The following F2RL1 variants were observed in gnomAD, a reference collection of about 807,000 sequenced individuals.
The protein encoded by F2RL1 is F2R like trypsin receptor 1.
A neutral mutation model predicts 21.7 loss-of-function variants in F2RL1; 16 were observed. That is an observed-to-expected ratio of 0.74 (90% CI 0.50 to 1.12). The LOEUF (loss-of-function observed/expected upper bound fraction) is 1.12. Among genes scored for constraint, F2RL1 ranks in the 50% most tolerant of loss-of-function variants. F2RL1 has a pLI of 0.00. For synonymous variants in F2RL1, 181 were observed against 186.7 expected (o/e 0.97, Z 0.25); for missense variants, 432 against 477.8 (o/e 0.90, Z 0.89).
chr5:76,823,102 C>T (rs561219049), intron 1 of F2RL1, among the ~76,000 whole-genome samples: 82 of 151,898 alleles, frequency 5.4e-4, no homozygotes, highest in African/African-American at 1.3e-3. Flanking sequence ...TGGTGGCGGG[C>T]GCCTGTAGTC....
intron 1 of F2RL1, 97 bp downstream of exon 1, chr5:76,819,361 G>A: frequency 1.9e-6 from 2 of 1,031,050 alleles, no homozygotes; most frequent in Non-Finnish European, 1.4e-6. Flanking sequence ...TGCGAAGGCT[G>A]TTCTGCTGCC....
chr5:76,832,941 A>C lies in F2RL1; in HGVS notation c.334A>C (p.Ile112Leu). The change falls in exon 2 of 2, where the codon ATT (isoleucine) becomes CTT (leucine). Residue 112 changes from isoleucine to leucine, a missense_variant. Transcript: ENST00000296677. ...AACTAAGAAGAAGCACCCTGCTGTG[A>C]TTTACATGGCCAATCTGGCCTTGGC... ...FRTKKKHPAV[I>L]YMANLALADL... 4 of 1,614,150 alleles carry C rather than the reference A, an allele frequency of 2.5e-6. No individual in the cohort carries two copies. The highest frequency in any genetic ancestry group is 2.5e-6 in the Non-Finnish European group (3 of 1,180,042).
Position 76,832,773 on chromosome 5 carries a change from G to A in F2RL1, c.166G>A (p.Glu56Lys). The A allele has an allele frequency of 6.2e-7, 1 of 1,614,230 alleles. No individual in the cohort carries two copies. Among genetic ancestry groups the A allele is most frequent in the South Asian group, 1.1e-5 (1 of 91,084 alleles). The part of the protein sequence containing the change: ...SHVTGKGVTV[E>K]TVFSVDEFSA... ...CGTCACTGGAAAAGGAGTTACAGTT[G>A]AAACAGTCTTTTCTGTGGATGAGTT... is the stretch of plus-strand genomic sequence containing the variant. The change falls in exon 2 of 2, where the codon GAA (glutamate) becomes AAA (lysine). Residue 56 changes from glutamate (E) to lysine (K), a missense_variant. Physicochemically the swap from Glu to Lys is moderately conservative, Grantham distance 56. Transcript: ENST00000296677.
intron 1 of F2RL1, among the ~76,000 whole-genome samples, chr5:76,828,653 T>TG (rs1750290342): frequency 5.9e-5 from 2 of 34,130 alleles, no homozygotes; most frequent in African/African-American, 1.9e-4. Flanking sequence ...GCCTGGCTAA[T>TG]TTTTTTTTTT....
At position 76,834,974 on chromosome 5, in the gene F2RL1, A is replaced by C. The variant is rs1056079982; in HGVS notation, c.*1173A>C. 1 of 152,378 alleles carries C rather than the reference A, an allele frequency of 6.6e-6. No homozygotes were observed. Among genetic ancestry groups the C allele is most frequent in the Non-Finnish European group, 1.5e-5 (1 of 68,042 alleles). 9.4% of individuals were successfully genotyped at this position (152,378 alleles called of 1,614,324 possible). A position where few individuals can be genotyped will look rare whatever the true frequency, so the allele number is the denominator to read the frequency against. ...GAAAAATGCAATCAGGATTTTAAAC[A>C]TGTAAATACAAATTTTGTATAACTT... On this transcript the variant is annotated 3_prime_UTR_variant, in exon 2 of 2. Transcript: ENST00000296677.
At chr5:76,828,669 T>C (rs1750290824) in intron 1 of F2RL1, among the ~76,000 whole-genome samples, 1 of 151,638 alleles carries the variant, frequency 6.6e-6, no homozygotes, top group African/African-American at 2.4e-5. Context: ...TTTTTTTTAA[T>C]TTTTTGTAGA....
intron 1 of F2RL1, among the ~76,000 whole-genome samples, chr5:76,829,126 A>C (rs73130951): frequency 6.6e-6 from 1 of 152,032 alleles, no homozygotes; most frequent in African/African-American, 2.4e-5. Flanking sequence ...AAAAAAAAAA[A>C]CAAGTTATTT....
At position 76,833,606 on chromosome 5, in the gene F2RL1, T is replaced by A. The variant is rs1248424315; in HGVS notation, c.999T>A (p.Ser333=). 6.2e-7 allele frequency: 1 copy of A among 1,613,958 alleles called. No homozygotes were observed. Among genetic ancestry groups the A allele is most frequent in the East Asian group, 2.2e-5 (1 of 44,834 alleles). ...TGTACATTGTAGCCCTCTGCCTCTCTACCCTTAACAGCTGCATCGACCCCT... is the reference window on the plus strand; with the variant it reads ...TGTACATTGTAGCCCTCTGCCTCTCAACCCTTAACAGCTGCATCGACCCCT... The part of the protein sequence containing the change: ...YALYIVALCL[S]TLNSCIDPFV... Residue 333 remains serine, a synonymous_variant, in exon 2 of 2, where the codon TCT becomes TCA. Coordinates refer to ENST00000296677, the MANE Select transcript of F2RL1 (RefSeq NM_005242.6).
chr5:76,827,546 T>C (rs1396709029), intron 1 of F2RL1, among the ~76,000 whole-genome samples: 1 of 151,050 alleles, frequency 6.6e-6, no homozygotes, highest in Non-Finnish European at 1.5e-5. Flanking sequence ...TGTGTACAGG[T>C]TTTTGTGTGG....
chr5:76,828,135 A>AT, intron 1 of F2RL1, among the ~76,000 whole-genome samples: 1 of 151,762 alleles, frequency 6.6e-6, no homozygotes, highest in East Asian at 1.9e-4. Flanking sequence ...CACCTGACTA[A>AT]TTTTTGTATT....
chr5:76,824,496 T>G (rs1750204187), intron 1 of F2RL1, among the ~76,000 whole-genome samples: 1 of 152,048 alleles, frequency 6.6e-6, no homozygotes. Context: ...ACCCAGCTAA[T>G]TTTTGTATTT....
chr5:76,832,178 CTG>C (rs3135470), intron 1 of F2RL1, among the ~76,000 whole-genome samples: 22,301 of 152,044 alleles, frequency 0.15, 2,065 homozygotes, highest in African/African-American at 0.27. Flanking sequence ...AAAATACTCA[CTG>C]TAAGAAAAAA....
chr5:76,822,343 G>A (rs748312258), intron 1 of F2RL1, among the ~76,000 whole-genome samples: 2 of 151,946 alleles, frequency 1.3e-5, no homozygotes, highest in Non-Finnish European at 1.5e-5. Context: ...TCAGCCTCTG[G>A]AGTAGCTGGG....
intron 1 of F2RL1, among the ~76,000 whole-genome samples, chr5:76,829,556 C>T (rs781071924): frequency 2.0e-5 from 3 of 152,144 alleles, no homozygotes; most frequent in Non-Finnish European, 4.4e-5. Context: ...ATAATTTCCA[C>T]AATAACTGCA....
chr5:76,827,644 G>T lies in F2RL1; in HGVS notation c.83-5046G>T, dbSNP rs1242612796. Among the ~76,000 whole-genome samples, 26 of 101,804 alleles carry T rather than the reference G, an allele frequency of 2.6e-4. No individual in the cohort carries two copies. The East Asian group carries it at 6.5e-3, about 25-fold the overall frequency. 66.8% of individuals were successfully genotyped at this position (101,804 alleles called of 152,430 possible). A position where few individuals can be genotyped will look rare whatever the true frequency, so the allele number is the denominator to read the frequency against. On this transcript the variant is annotated intron_variant, in intron 1 of 1. Coordinates refer to ENST00000296677, the MANE Select transcript of F2RL1 (RefSeq NM_005242.6). ...TTTTGAGACGGAGTCATGCTCTGTTGCCCAGAGTGCAATGGCACAGTCTAG... is the reference window on the plus strand; with the variant it reads ...TTTTGAGACGGAGTCATGCTCTGTTTCCCAGAGTGCAATGGCACAGTCTAG...
rs1750073655 is a variant in F2RL1 at position 76,819,047 on chromosome 5, G to C, written c.-136G>C. Reference sequence around the variant, plus strand: ...GTTTCCCTGAAACCTAACCCGCCCTGGGGAGGCGCGCAGCAGAGGCTCCGA... The same window carrying C: ...GTTTCCCTGAAACCTAACCCGCCCTCGGGAGGCGCGCAGCAGAGGCTCCGA... On this transcript the variant is annotated 5_prime_UTR_variant, in exon 1 of 2. Coordinates refer to ENST00000296677, the MANE Select transcript of F2RL1 (RefSeq NM_005242.6). 3 of 707,668 alleles carry C rather than the reference G, an allele frequency of 4.2e-6. No individual in the cohort carries two copies. In the Admixed American group the frequency reaches 8.5e-5, roughly 20 times the overall value. The allele number at this position is 707,668 out of a possible 1,614,324, so 43.8% of individuals were successfully genotyped here.
At chr5:76,823,559 A>G (rs916527787) in intron 1 of F2RL1, among the ~76,000 whole-genome samples, 1 of 151,700 alleles carries the variant, frequency 6.6e-6, no homozygotes, top group Non-Finnish European at 1.5e-5. Context: ...TTGCATTTTT[A>G]GTAAAGCCAG....
chr5:76,827,146 C>T (rs1750253851), intron 1 of F2RL1, among the ~76,000 whole-genome samples: 1 of 151,386 alleles, frequency 6.6e-6, no homozygotes, highest in Non-Finnish European at 1.5e-5. Flanking sequence ...CCACTGTGCC[C>T]AGCCCACTTG....
intron 1 of F2RL1, among the ~76,000 whole-genome samples, chr5:76,827,168 C>A (rs1310669017): frequency 6.6e-6 from 1 of 151,260 alleles, no homozygotes; most frequent in Non-Finnish European, 1.5e-5. Flanking sequence ...TGACTGTGGG[C>A]TGGGCACAGT....
Sources: allele counts gnomAD v4.1 joint callset (sites outside exome capture counted in the v4.1 genomes callset), GRCh38; gene constraint gnomAD v4.1.1; transcripts MANE v1.5; gene names NCBI Gene and HGNC (gene_info 2026-07-23, HGNC 2026-07-21).